PHF20: variants seen among roughly 807,000 people sequenced by gnomAD.
PHF20 encodes the protein glioma-expressed antigen 2.
In PHF20, 23 loss-of-function variants were observed where a neutral mutation model predicts 113.5. The ratio of observed to expected loss-of-function variants is 0.20; its 90% confidence interval spans 0.15 to 0.29. The LOEUF is 0.29. PHF20 is among the 10% of genes least tolerant of loss of function. The probability of loss-of-function intolerance (pLI) is 1.00; values close to 1 mark genes in which losing one functional copy is unlikely to be tolerated. For synonymous variants in PHF20, 434 were observed against 457.3 expected, an observed-to-expected ratio of 0.95 and a Z score of 0.65; for missense variants, 943 against 1,219.6, an observed-to-expected ratio of 0.77 and a Z score of 3.38.
intron 10 of PHF20, among the ~76,000 whole-genome samples, chr20:35,904,277 ATTTTT>A (rs34412788): frequency 0.012 from 1,235 of 98,882 alleles, 20 homozygotes; most frequent in African/African-American, 0.047. Flanking sequence ...GAATGCTCTG[ATTTTT>A]TTTTTTTTTT....
At chr20:35,874,506 T>TAGAG (rs994093245) in intron 9 of PHF20, among the ~76,000 whole-genome samples, 2 of 152,010 alleles carry the variant, frequency 1.3e-5, no homozygotes, top group Non-Finnish European at 2.9e-5. Context: ...TTTTTAAAGA[T>TAGAG]AGAGTCTCAC....
At chr20:35,802,349 T>G (rs2146865827) in intron 2 of PHF20, among the ~76,000 whole-genome samples, 1 of 152,058 alleles carries the variant, frequency 6.6e-6, no homozygotes, top group South Asian at 2.1e-4. Flanking sequence ...TTAAGGGTTT[T>G]TGTTTTTTTT....
At chr20:35,786,875 A>C (rs1010835180) in intron 1 of PHF20, among the ~76,000 whole-genome samples, 1 of 152,108 alleles carries the variant, frequency 6.6e-6, no homozygotes, top group South Asian at 2.1e-4. Context: ...GCACGCAAGG[A>C]GTAATAATAG....
At chr20:35,787,985 C>T (rs1218039257) in intron 1 of PHF20, among the ~76,000 whole-genome samples, 1 of 151,638 alleles carries the variant, frequency 6.6e-6, no homozygotes, top group Non-Finnish European at 1.5e-5. Flanking sequence ...ACCATTTTGG[C>T]CAGGCTGGTC....
At chr20:35,934,080 C>T (rs190208030) in intron 15 of PHF20, among the ~76,000 whole-genome samples, 2 of 152,314 alleles carry the variant, frequency 1.3e-5, no homozygotes, top group East Asian at 1.9e-4. Context: ...CAGACTAGTG[C>T]GATGAGTGAG....
chr20:35,928,979 C>T (rs2055698784), intron 14 of PHF20, among the ~76,000 whole-genome samples: 1 of 152,178 alleles, frequency 6.6e-6, no homozygotes, highest in Non-Finnish European at 1.5e-5. Flanking sequence ...TGTAAATATG[C>T]AGTTCATTGT....
intron 2 of PHF20, among the ~76,000 whole-genome samples, chr20:35,809,822 A>G (rs2041946418): frequency 6.6e-6 from 1 of 152,080 alleles, no homozygotes; most frequent in African/African-American, 2.4e-5. Context: ...TTGAGGTTGC[A>G]GTGAGCTGCA....
chr20:35,915,956 A>G (rs2055395803), intron 12 of PHF20, among the ~76,000 whole-genome samples: 1 of 152,114 alleles, frequency 6.6e-6, no homozygotes, highest in Non-Finnish European at 1.5e-5. Flanking sequence ...GCAACATGGC[A>G]AACCTTGCCT....
chr20:35,931,727 C>T lies in PHF20; in HGVS notation c.2300+283C>T, dbSNP rs542360146. Among the ~76,000 whole-genome samples the T allele has an allele frequency of 9.1e-4, 138 of 151,964 alleles. 1 individual carries two copies. The highest frequency in any genetic ancestry group is 3.4e-3 in the Middle Eastern group (1 of 292). ...CAGCACTTTGGGAGGCCGAGGTAGG[C>T]GGATCATGAGGTAAGGAGTTCGAGA... On this transcript the variant is annotated intron_variant, in intron 15 of 17. Transcript: ENST00000374012.
intron 9 of PHF20, among the ~76,000 whole-genome samples, chr20:35,892,119 G>A (rs1336205811): frequency 6.6e-6 from 1 of 151,370 alleles, no homozygotes; most frequent in Non-Finnish European, 1.5e-5. Flanking sequence ...GTACAGTGGC[G>A]TGATATTGGT....
intron 16 of PHF20, among the ~76,000 whole-genome samples, chr20:35,940,283 C>T (rs1427873691): frequency 6.6e-6 from 1 of 152,036 alleles, no homozygotes; most frequent in Non-Finnish European, 1.5e-5. Flanking sequence ...AAAACAAAGC[C>T]AGGAAATACT....
intron 4 of PHF20, among the ~76,000 whole-genome samples, chr20:35,852,929 T>C (rs2042763305): frequency 6.8e-6 from 1 of 147,534 alleles, no homozygotes; most frequent in Non-Finnish European, 1.5e-5. Context: ...TTTTTTTTTC[T>C]AAAAAGGGCC....
At chr20:35,854,698 C>T (rs1277638761) in intron 4 of PHF20, among the ~76,000 whole-genome samples, 1 of 152,046 alleles carries the variant, frequency 6.6e-6, no homozygotes, top group Admixed American at 6.6e-5. Context: ...CACCTTTGGC[C>T]ATAGTTTGGG....
At chr20:35,912,732 T>C (rs991607410) in intron 10 of PHF20, among the ~76,000 whole-genome samples, 2 of 152,120 alleles carry the variant, frequency 1.3e-5, no homozygotes, top group Non-Finnish European at 2.9e-5. Context: ...CTCTGGAGGC[T>C]GAGGCAGGAG....
At chr20:35,815,523 G>A (rs1234712292) in intron 2 of PHF20, among the ~76,000 whole-genome samples, 6 of 151,890 alleles carry the variant, frequency 4.0e-5, no homozygotes, top group Admixed American at 6.6e-5. Flanking sequence ...GGAGTGTAGC[G>A]CGAGTGATCT....
rs1270203620 is a variant in PHF20, at chr20:35,871,827, A to G, written c.1280A>G (p.Glu427Gly). The G allele has an allele frequency of 6.2e-7, 1 of 1,604,610 alleles. No individual in the cohort carries two copies. Among genetic ancestry groups the G allele is most frequent in the Non-Finnish European group, 8.5e-7 (1 of 1,174,614 alleles). Residue 427 changes from glutamate (E) to glycine (G), a missense_variant and splice_region_variant, in exon 9 of 18, where the codon GAA becomes GGA. Glu to Gly is a moderately conservative substitution (Grantham distance 98). This residue lies in a region of PHF20 where 592 missense variants were observed against 787.2 expected (regional missense o/e 0.75). Transcript: ENST00000374012. ...GAATTACAAGAGATTTCGACTGTGGAAGGTTCATATTTAGAGTTAAATTAA... is the reference window on the plus strand; with the variant it reads ...GAATTACAAGAGATTTCGACTGTGGGAGGTTCATATTTAGAGTTAAATTAA... ...LVELQEISTVEVTNTFKKTDD... is the reference protein window; with the variant it reads ...LVELQEISTVGVTNTFKKTDD...
At position 35,871,025 on chromosome 20, in the gene PHF20, G is replaced by C; in HGVS notation, c.993G>C (p.Leu331=). The change falls in exon 8 of 18, where the codon CTG becomes CTC. Residue 331 remains leucine, a synonymous_variant. Coordinates refer to ENST00000374012, the MANE Select transcript of PHF20 (RefSeq NM_016436.5). ...TATCGAGGAGACGTTCCTCCAGGCT[G>C]TCCACTAATGGGACCCATGAGATCC... is the stretch of plus-strand genomic sequence containing the variant. ...KDLSRRRSSR[L]STNGTHEILD... is the part of the protein sequence containing the mutation. 6.2e-7 allele frequency: 1 copy of C among 1,612,054 alleles called. No individual in the cohort carries two copies. The highest frequency in any genetic ancestry group is 8.5e-7 in the Non-Finnish European group (1 of 1,179,456).
At chr20:35,802,488 C>G (rs1434919186) in intron 2 of PHF20, among the ~76,000 whole-genome samples, 1 of 152,002 alleles carries the variant, frequency 6.6e-6, no homozygotes, top group Non-Finnish European at 1.5e-5. Flanking sequence ...TGCCACCATG[C>G]CTGGCTAATT....
chr20:35,944,653 C>A (rs949789397), intron 17 of PHF20, among the ~76,000 whole-genome samples: 1 of 152,286 alleles, frequency 6.6e-6, no homozygotes, highest in East Asian at 1.9e-4. Context: ...CTTACTGAAG[C>A]CTCTGCCTCC....
Sources: gnomAD v4.1 joint callset for allele counts (sites outside exome capture counted in the v4.1 genomes callset) on GRCh38, gnomAD v4.1.1 for gene constraint, gnomAD v4.1.1 regional missense constraint, MANE v1.5 for transcripts, NCBI Gene and HGNC (gene_info 2026-07-23, HGNC 2026-07-21) for gene names.